PCDHGB4: variants seen among roughly 807,000 people sequenced by gnomAD.
The protein encoded by PCDHGB4 is protocadherin gamma-B4.
PCDHGB4 carries 38 observed loss-of-function variants against 60.5 expected under a neutral mutation model. The ratio of observed to expected loss-of-function variants is 0.63; its 90% CI spans 0.48 to 0.82. The LOEUF is 0.82. Among genes scored for constraint, PCDHGB4 ranks in the 40% least tolerant of loss-of-function variants. The probability of loss-of-function intolerance (pLI) is 0.00; values close to 1 mark genes in which losing one functional copy is unlikely to be tolerated. For missense variants in PCDHGB4, 1,109 were observed against 1,209.6 expected (o/e 0.92, Z 1.23); for synonymous variants, 456 against 509.7 (o/e 0.89, Z 1.42).
chr5:141,491,937 AC>A lies in PCDHGB4; in HGVS notation c.2398-2865del. ...CTGTGGGCGAGGGGAGGTGGGACCG[AC>A]CCCCACCCCTACACTCAAAAAAGGC... On this transcript the variant is annotated intron_variant, in intron 1 of 3. Transcript: ENST00000519479. This position sits in a 1 kb window ranked among gnomAD's most constrained non-coding sequence, Gnocchi z 6.9. The A allele has an allele frequency of 3.4e-6, 4 of 1,164,304 alleles. No homozygotes were observed. Among genetic ancestry groups the A allele is most frequent in the Non-Finnish European group, 4.7e-6 (4 of 858,404 alleles). The allele number at this position is 1,164,304 out of a possible 1,614,324, so 72.1% of individuals were successfully genotyped here.
chr5:141,504,561 T>G (rs1023434942), intron 2 of PCDHGB4, among the ~76,000 whole-genome samples: 1 of 150,052 alleles, frequency 6.7e-6, no homozygotes, highest in Non-Finnish European at 1.5e-5. Context: ...GGGACTGGCA[T>G]TCTAGGGAAC....
In PCDHGB4 at chr5:141,388,636, T is replaced by G; in HGVS notation, c.752T>G (p.Leu251Arg). 1 of 1,613,918 alleles carries G rather than the reference T, an allele frequency of 6.2e-7. No individual in the cohort carries two copies. ...AGTCAAGACGTATACAGGGTGAGCC[T>G]TTCAGAAAACGTGTACCCGGGGACC... ...VFSQDVYRVS[L>R]SENVYPGTTV... is the part of the protein sequence containing the mutation. The change falls in exon 1 of 4, where the codon CTT becomes CGT. Residue 251 changes from leucine to arginine, a missense_variant. Leu to Arg is a moderately radical substitution (Grantham distance 102). Coordinates refer to ENST00000519479, the MANE Select transcript of PCDHGB4 (RefSeq NM_003736.4).
intron 1 of PCDHGB4, chr5:141,395,362 T>A: frequency 1.5e-6 from 2 of 1,294,628 alleles, no homozygotes; most frequent in Non-Finnish European, 1.0e-6. Context: ...AGTTTTGGGT[T>A]TATTTTGGTG....
rs2099684984 is a variant in PCDHGB4 at position 141,489,278 on chromosome 5, G to A, written c.2398-5529G>A. ...ACACTCCCACAGCTCGCTGGGAAAT[G>A]GCAAGTGCTGTGCATGTTGTCCTTG... is the stretch of plus-strand genomic sequence containing the variant. On this transcript the variant is annotated intron_variant, in intron 1 of 3. Transcript: ENST00000519479. The surrounding 1 kb of genome is among the most constrained non-coding windows in gnomAD (Gnocchi z 4.5). The A allele has an allele frequency of 6.4e-7, 1 of 1,561,298 alleles. No homozygotes were observed. The highest frequency in any genetic ancestry group is 2.2e-5 in the East Asian group (1 of 44,520).
At position 141,491,952 on chromosome 5, in the gene PCDHGB4, C is replaced by A; in HGVS notation, c.2398-2855C>A. 9.4e-7 allele frequency: 1 copy of A among 1,062,954 alleles called. No homozygotes were observed. The allele number at this position is 1,062,954 out of a possible 1,614,324, so 65.8% of individuals were successfully genotyped here. On this transcript the variant is annotated intron_variant, in intron 1 of 3. Coordinates refer to ENST00000519479, the MANE Select transcript of PCDHGB4 (RefSeq NM_003736.4). The surrounding 1 kb of genome is among the most constrained non-coding windows in gnomAD (Gnocchi z 6.9). ...GGTGGGACCGACCCCCACCCCTACA[C>A]TCAAAAAAGGCCGGGGCCTCCTTCG...
intron 1 of PCDHGB4, chr5:141,409,896 C>T (rs1181128940): frequency 6.2e-7 from 1 of 1,613,240 alleles, no homozygotes; most frequent in East Asian, 2.2e-5. Flanking sequence ...GTGCTGTACC[C>T]AGCTCTGGGT....
intron 1 of PCDHGB4, among the ~76,000 whole-genome samples, chr5:141,475,380 T>A (rs2099362720): frequency 6.6e-6 from 1 of 152,244 alleles, no homozygotes; most frequent in South Asian, 2.1e-4. Flanking sequence ...TACTTTTAAA[T>A]TTTATAAGCC....
rs760070878 is a variant in PCDHGB4, at chr5:141,490,862, C to T, written c.2398-3945C>T. On this transcript the variant is annotated intron_variant, in intron 1 of 3. Coordinates refer to ENST00000519479, the MANE Select transcript of PCDHGB4 (RefSeq NM_003736.4). This position sits in a 1 kb window ranked among gnomAD's most constrained non-coding sequence, Gnocchi z 5.4. ...GTGGTGGGGGTTCGAGACTCCGGCTCTCCCCCATTGCATGCCAACACATCT... is the reference window on the plus strand; with the variant it reads ...GTGGTGGGGGTTCGAGACTCCGGCTTTCCCCCATTGCATGCCAACACATCT... 2.0e-5 allele frequency: 33 copies of T among 1,613,878 alleles called. No individual in the cohort carries two copies. Among genetic ancestry groups the T allele is most frequent in the Non-Finnish European group, 2.8e-5 (33 of 1,179,920 alleles).
In PCDHGB4 at chr5:141,389,378, G is replaced by A. The variant is rs574837458; in HGVS notation, c.1494G>A (p.Glu498=). ...TGGCCAGTGACCTGGAGCAGCGGGAGCTGTCATCCTACGTGTCCATAAGCG... is the reference window on the plus strand; with the variant it reads ...TGGCCAGTGACCTGGAGCAGCGGGAACTGTCATCCTACGTGTCCATAAGCG... ...CIMASDLEQR[E]LSSYVSISAE... The change falls in exon 1 of 4, where the codon GAG becomes GAA. Residue 498 remains glutamate, a synonymous_variant. Transcript: ENST00000519479. 4 of 1,613,766 alleles carry A rather than the reference G, an allele frequency of 2.5e-6. No homozygotes were observed. Among genetic ancestry groups the A allele is most frequent in the African/African-American group, 2.7e-5 (2 of 75,082 alleles).
intron 1 of PCDHGB4, chr5:141,404,234 G>A (rs2094500908): frequency 6.2e-7 from 1 of 1,613,770 alleles, no homozygotes; most frequent in African/African-American, 1.3e-5. Context: ...AACAGACAGA[G>A]GAACTCCGCC....
chr5:141,422,677 C>G, intron 1 of PCDHGB4: 1 of 1,606,186 alleles, frequency 6.2e-7, no homozygotes, highest in Non-Finnish European at 8.5e-7. Context: ...GGACAGCAAA[C>G]AGAATGCCCT....
intron 1 of PCDHGB4, chr5:141,393,005 C>T: frequency 6.2e-7 from 1 of 1,613,866 alleles, no homozygotes; most frequent in Non-Finnish European, 8.5e-7. Context: ...AGCACGGAGT[C>T]CGTATCGTCT....
intron 1 of PCDHGB4, among the ~76,000 whole-genome samples, chr5:141,453,065 G>A (rs1308047230): frequency 3.3e-5 from 5 of 151,960 alleles, no homozygotes; most frequent in African/African-American, 1.2e-4. Flanking sequence ...TTAGAGTTTT[G>A]CCACACTCTG....
chr5:141,459,253 ATTAGTGTTGCCTCT>A (rs1439680561), intron 1 of PCDHGB4, among the ~76,000 whole-genome samples: 1 of 152,174 alleles, frequency 6.6e-6, no homozygotes, highest in African/African-American at 2.4e-5. Context: ...GTCACTATAA[ATTAGTGTTGCCTCT>A]TTCAGAATTT....
chr5:141,410,909 A>G lies in PCDHGB4; in HGVS notation c.2397+20628A>G, dbSNP rs183334545. Reference sequence around the variant, plus strand: ...CGCACTGTTGCCTAGGCTGGAGTGCAGTGGCGTGATCTCTGCTCACTGCAA... The same window carrying G: ...CGCACTGTTGCCTAGGCTGGAGTGCGGTGGCGTGATCTCTGCTCACTGCAA... On this transcript the variant is annotated intron_variant, in intron 1 of 3. Coordinates refer to ENST00000519479, the MANE Select transcript of PCDHGB4 (RefSeq NM_003736.4). 188 of 259,978 alleles carry G rather than the reference A, an allele frequency of 7.2e-4. 1 individual carries two copies. Among genetic ancestry groups the G allele is most frequent in the African/African-American group, 5.3e-3 (172 of 32,394 alleles). The allele number at this position is 259,978 out of a possible 1,614,324, so 16.1% of individuals were successfully genotyped here.
intron 1 of PCDHGB4, chr5:141,479,468 T>C (rs1473966646): frequency 1.3e-5 from 2 of 152,248 alleles, no homozygotes; most frequent in African/African-American, 4.8e-5. Context: ...TACAGTGACC[T>C]CTTGGGAGGG....
chr5:141,505,794 G>A (rs1423502957), intron 3 of PCDHGB4, among the ~76,000 whole-genome samples: 1 of 152,142 alleles, frequency 6.6e-6, no homozygotes, highest in East Asian at 1.9e-4. Context: ...CTATCCTTGG[G>A]ACTTGGATCG....
chr5:141,423,897 T>G, intron 1 of PCDHGB4: 7 of 1,278,866 alleles, frequency 5.5e-6, no homozygotes, highest in Non-Finnish European at 6.9e-6. Flanking sequence ...TTTCTTTTGA[T>G]TTCAAAGGGG....
rs757308340 is a variant in PCDHGB4, at chr5:141,487,575, G to A, written c.2398-7232G>A. ...GCACCTATGGCAGGGGAGCCTGTTC[G>A]CCCAAGCTGCCCACCCTCTGATCTT... On this transcript the variant is annotated intron_variant, in intron 1 of 3. Coordinates refer to ENST00000519479, the MANE Select transcript of PCDHGB4 (RefSeq NM_003736.4). This position sits in a 1 kb window ranked among gnomAD's most constrained non-coding sequence, Gnocchi z 5.0. The A allele has an allele frequency of 3.1e-6, 5 of 1,614,018 alleles. No homozygotes were observed. In the African/African-American group the frequency reaches 4.0e-5, roughly 13 times the overall value.
Sources: allele counts gnomAD v4.1 joint callset (sites outside exome capture counted in the v4.1 genomes callset), GRCh38; gene constraint gnomAD v4.1.1; non-coding constraint Gnocchi (gnomAD v3.1); transcripts MANE v1.5; gene names NCBI Gene and HGNC (gene_info 2026-07-23, HGNC 2026-07-21).